EVC2: variants seen among roughly 807,000 people sequenced by gnomAD.
EVC2 encodes the protein EvC ciliary complex subunit 2, also known as limbin.
EVC2 carries 148 observed loss-of-function variants against 149.3 expected under a neutral mutation model. That is an observed-to-expected ratio of 0.99 (90% CI 0.87 to 1.14). The LOEUF (loss-of-function observed/expected upper bound fraction) is 1.14. Among genes scored for constraint, EVC2 ranks in the 50% most tolerant of loss-of-function variants. The pLI is 0.00. For synonymous variants in EVC2, 776 were observed against 649.9 expected, an observed-to-expected ratio of 1.19 and a Z score of -2.95; for missense variants, 1,854 against 1,627.3, an observed-to-expected ratio of 1.14 and a Z score of -2.40.
In EVC2 at chr4:5,625,676, G is replaced by A. The variant is rs1365827373; in HGVS notation, c.2046+73C>T. On this transcript the variant is annotated intron_variant, in intron 13 of 21. Transcript: ENST00000344408. This position sits in a 1 kb window ranked among gnomAD's most constrained non-coding sequence, Gnocchi z 4.0. Reference sequence around the variant, plus strand: ...CCTAGTTCACCAATGGCAATGTCTGGCACAGTACCTGGCACTTGATGGGTA... The same window carrying A: ...CCTAGTTCACCAATGGCAATGTCTGACACAGTACCTGGCACTTGATGGGTA... The A allele has an allele frequency of 6.3e-7, 1 of 1,591,978 alleles. No homozygotes were observed. The highest frequency in any genetic ancestry group is 8.6e-7 in the Non-Finnish European group (1 of 1,163,692).
intron 16 of EVC2, among the ~76,000 whole-genome samples, chr4:5,599,955 C>G (rs1713838527): frequency 6.6e-6 from 1 of 152,148 alleles, no homozygotes; most frequent in Non-Finnish European, 1.5e-5. Context: ...TTCATTAGTG[C>G]TTAAATTTTA....
At chr4:5,585,446 T>A (rs892370738) in intron 16 of EVC2, among the ~76,000 whole-genome samples, 4 of 152,234 alleles carry the variant, frequency 2.6e-5, no homozygotes, top group Admixed American at 2.0e-4. Context: ...ATGTTTGTTT[T>A]GTTCCATGTA....
At chr4:5,563,541 C>T (rs1458460179) in intron 21 of EVC2, among the ~76,000 whole-genome samples, 1 of 152,060 alleles carries the variant, frequency 6.6e-6, no homozygotes, top group Non-Finnish European at 1.5e-5. Context: ...GGGGTTTCAC[C>T]ATGTTGGCCA....
upstream of EVC2, chr4:5,709,398 G>A (rs992209457): frequency 6.6e-6 from 1 of 152,260 alleles, no homozygotes; most frequent in South Asian, 2.1e-4. Flanking sequence ...GCCTTCCTGC[G>A]GGGCAGGCTG....
At chr4:5,624,612 T>C (rs942634359) in intron 13 of EVC2, among the ~76,000 whole-genome samples, 2 of 152,190 alleles carry the variant, frequency 1.3e-5, no homozygotes, top group South Asian at 2.1e-4. Flanking sequence ...GAATCTCCTA[T>C]AGGATGTGGA....
chr4:5,612,220 G>C (rs746416479), intron 16 of EVC2, among the ~76,000 whole-genome samples: 2 of 152,100 alleles, frequency 1.3e-5, no homozygotes, highest in South Asian at 2.1e-4. Context: ...ATACAAGCAA[G>C]ACCTTAACTT....
At chr4:5,656,751 A>G (rs933779594) in intron 9 of EVC2, among the ~76,000 whole-genome samples, 3 of 152,224 alleles carry the variant, frequency 2.0e-5, no homozygotes, top group Non-Finnish European at 4.4e-5. Flanking sequence ...ATTTCAGCCC[A>G]GAGAAAGTGA....
intron 16 of EVC2, among the ~76,000 whole-genome samples, chr4:5,592,149 A>C (rs1210525517): frequency 6.6e-6 from 1 of 152,200 alleles, no homozygotes; most frequent in Admixed American, 6.5e-5. Context: ...GATGAAAACT[A>C]GACTGGAGAA....
chr4:5,557,160 T>C (rs1721854232), intron 21 of EVC2, among the ~76,000 whole-genome samples: 1 of 152,036 alleles, frequency 6.6e-6, no homozygotes, highest in African/African-American at 2.4e-5. Flanking sequence ...TGAACATAGA[T>C]GAACAAATCC....
At chr4:5,684,807 G>T (rs1020230351) in intron 6 of EVC2, among the ~76,000 whole-genome samples, 4 of 152,146 alleles carry the variant, frequency 2.6e-5, no homozygotes, top group Non-Finnish European at 5.9e-5. Context: ...AGGTTGCTAG[G>T]CTGGGTCATG....
chr4:5,619,761 T>C (rs541638004), intron 14 of EVC2, among the ~76,000 whole-genome samples: 3 of 152,298 alleles, frequency 2.0e-5, no homozygotes, highest in East Asian at 3.9e-4. Flanking sequence ...AGAATGGCCA[T>C]ACAATTGCTT....
chr4:5,648,230 C>A (rs1353639357), intron 9 of EVC2, among the ~76,000 whole-genome samples: 4 of 152,180 alleles, frequency 2.6e-5, no homozygotes, highest in African/African-American at 7.2e-5. Context: ...ATGATAGCCA[C>A]CCCACTGATC....
chr4:5,681,369 G>T, intron 6 of EVC2, 56 bp from the exon 7 acceptor site: 1 of 1,580,774 alleles, frequency 6.3e-7, no homozygotes, highest in Non-Finnish European at 8.7e-7. Flanking sequence ...TGACACGTGG[G>T]ATAACATTTG....
rs1267597641 is a variant in EVC2, at chr4:5,696,770, T to C, written c.283+823A>G. 6.6e-6 allele frequency among the ~76,000 whole-genome samples: 1 copy of C among 152,200 alleles called. No homozygotes were observed. On this transcript the variant is annotated intron_variant, in intron 2 of 21. Transcript: ENST00000344408. The surrounding 1 kb of genome is among the most constrained non-coding windows in gnomAD (Gnocchi z 4.1). ...AGTTACAGATGCCAATGAATTCCTC[T>C]TGATGAAATGAGTGTCAGTTGAATT...
rs570546202 is a variant in EVC2 at position 5,622,865 on chromosome 4, G to A, written c.2173C>T (p.Gln725Ter). Residue 725 changes from glutamine (Q) to a stop codon, truncating the protein, a stop_gained, in exon 14 of 22, where the codon CAG becomes TAG. Coordinates refer to ENST00000344408, the MANE Select transcript of EVC2 (RefSeq NM_147127.5). LOFTEE classifies it high-confidence loss of function. The surrounding 1 kb of genome is among the most constrained non-coding windows in gnomAD (Gnocchi z 5.8). ...EEHGATLEEL[Q>*]ERLDQAALDD... ...AGGGCGGCCTGGTCCAGACGCTCCT[G>A]CAGCTCCTCCAGGGTGGCACCGTGC... 2 of 1,614,142 alleles carry A rather than the reference G, an allele frequency of 1.2e-6. No homozygotes were observed. The highest frequency in any genetic ancestry group is 1.6e-4 in the Middle Eastern group (1 of 6,062).
intron 12 of EVC2, among the ~76,000 whole-genome samples, chr4:5,626,301 C>G (rs1175549631): frequency 6.7e-6 from 1 of 150,186 alleles, no homozygotes; most frequent in East Asian, 2.0e-4. Context: ...TATGGACCAA[C>G]TTGACTGGCC....
At chr4:5,681,120 A>G in intron 7 of EVC2, 140 bp downstream of exon 7, 1 of 944,588 alleles carries the variant, frequency 1.1e-6, no homozygotes, top group East Asian at 2.5e-5. Context: ...GACCCGAGAG[A>G]CTGCACAGAG....
In EVC2 at chr4:5,606,241, C is replaced by T. The variant is rs114867231; in HGVS notation, c.2829+9181G>A. Among the ~76,000 whole-genome samples the T allele has an allele frequency of 7.6e-3, 1,155 of 152,284 alleles. 12 individuals carry two copies. Among genetic ancestry groups the T allele is most frequent in the African/African-American group, 0.026 (1,081 of 41,546 alleles). On this transcript the variant is annotated intron_variant, in intron 16 of 21. Transcript: ENST00000344408. Reference sequence around the variant, plus strand: ...TTAATACTCCCTTTTCCATACTCAGCGGAAAACACCCAGCCTTTTTGAGAA... The same window carrying T: ...TTAATACTCCCTTTTCCATACTCAGTGGAAAACACCCAGCCTTTTTGAGAA...
chr4:5,586,230 G>A (rs1308080699), intron 16 of EVC2, among the ~76,000 whole-genome samples: 2 of 152,164 alleles, frequency 1.3e-5, no homozygotes, highest in African/African-American at 2.4e-5. Flanking sequence ...CTGGGTTGAG[G>A]ATCTCTTATG....
Sources: gnomAD v4.1 joint callset for allele counts (sites outside exome capture counted in the v4.1 genomes callset) on GRCh38, gnomAD v4.1.1 for gene constraint, Gnocchi (gnomAD v3.1) non-coding constraint, MANE v1.5 for transcripts, NCBI Gene and HGNC (gene_info 2026-07-23, HGNC 2026-07-21) for gene names.